CHRM3: variants seen among roughly 807,000 people sequenced by gnomAD.
The protein encoded by CHRM3 is muscarinic acetylcholine receptor M3.
Under a neutral mutation model 41.8 loss-of-function variants are expected in CHRM3, and 11 were observed. That is an observed-to-expected ratio of 0.26 (90% CI 0.17 to 0.44). CHRM3 has a LOEUF of 0.44. Ranked by LOEUF, CHRM3 falls within the 20% of genes least tolerant of loss-of-function variation. The pLI is 1.00. For missense variants in CHRM3, 571 were observed against 745.4 expected (o/e 0.77, Z 2.72); for synonymous variants, 297 against 301.4 (o/e 0.99, Z 0.15).
intron 5 of CHRM3, among the ~76,000 whole-genome samples, chr1:239,756,809 C>T (rs1026430758): frequency 1.2e-4 from 18 of 151,806 alleles, no homozygotes; most frequent in African/African-American, 4.4e-4. Flanking sequence ...TCATATTATT[C>T]ATTTCTGAGA....
intron 2 of CHRM3, among the ~76,000 whole-genome samples, chr1:239,512,531 T>C (rs1369471063): frequency 6.6e-6 from 1 of 152,186 alleles, no homozygotes; most frequent in Non-Finnish European, 1.5e-5. Flanking sequence ...TAGGAGCACT[T>C]GGAACATTTA....
At chr1:239,876,275 T>G (rs1319604406) in intron 6 of CHRM3, among the ~76,000 whole-genome samples, 4 of 152,378 alleles carry the variant, frequency 2.6e-5, no homozygotes, top group African/African-American at 4.8e-5. Context: ...ATATTGATCT[T>G]GTTTCTGAAT....
intron 6 of CHRM3, among the ~76,000 whole-genome samples, chr1:239,854,175 A>G (rs184749614): frequency 1.9e-4 from 29 of 152,254 alleles, no homozygotes; most frequent in Admixed American, 2.6e-4. Context: ...TGCCATAGGC[A>G]ATATAAACGA....
At chr1:239,685,503 G>A (rs773680197) in intron 5 of CHRM3, among the ~76,000 whole-genome samples, 12 of 152,058 alleles carry the variant, frequency 7.9e-5, no homozygotes, top group Non-Finnish European at 1.6e-4. Flanking sequence ...TGCTCCTCTC[G>A]TGCATTGGGT....
intron 5 of CHRM3, among the ~76,000 whole-genome samples, chr1:239,687,672 TTCAG>T (rs529027334): frequency 4.6e-5 from 7 of 152,134 alleles, no homozygotes; most frequent in Non-Finnish European, 7.4e-5. Context: ...ATAATGATGC[TTCAG>T]TCAAAGGCAG....
At chr1:239,535,232 A>G (rs776528876) in intron 2 of CHRM3, among the ~76,000 whole-genome samples, 4 of 152,162 alleles carry the variant, frequency 2.6e-5, no homozygotes, top group Non-Finnish European at 4.4e-5. Flanking sequence ...CCAGTGGCCC[A>G]CACTGGCCCA....
chr1:239,686,624 A>C (rs1230680881), intron 5 of CHRM3, among the ~76,000 whole-genome samples: 1 of 152,162 alleles, frequency 6.6e-6, no homozygotes, highest in Non-Finnish European at 1.5e-5. Flanking sequence ...TCAGACTGTG[A>C]GTTCCTTGAG....
At chr1:239,463,588 T>C (rs993866577) in intron 1 of CHRM3, among the ~76,000 whole-genome samples, 2 of 152,212 alleles carry the variant, frequency 1.3e-5, no homozygotes, top group Non-Finnish European at 2.9e-5. Flanking sequence ...TCAAAGGAAA[T>C]TGTGAAAATA....
intron 2 of CHRM3, among the ~76,000 whole-genome samples, chr1:239,531,909 T>G (rs948963467): frequency 1.3e-5 from 2 of 151,258 alleles, no homozygotes; most frequent in Admixed American, 1.3e-4. Flanking sequence ...TCTCCGCGCT[T>G]GGGCCTCCCA....
At chr1:239,731,822 C>T (rs1269745104) in intron 5 of CHRM3, among the ~76,000 whole-genome samples, 2 of 151,918 alleles carry the variant, frequency 1.3e-5, no homozygotes, top group Non-Finnish European at 2.9e-5. Context: ...TTTACTGTTG[C>T]CTCCAGGGTT....
chr1:239,519,393 T>C (rs941056316), intron 2 of CHRM3, among the ~76,000 whole-genome samples: 1 of 152,216 alleles, frequency 6.6e-6, no homozygotes, highest in Non-Finnish European at 1.5e-5. Flanking sequence ...AAATATAGCC[T>C]CTTCTGTATG....
chr1:239,566,011 C>T lies in CHRM3; in HGVS notation c.-313+20262C>T, dbSNP rs114814608. ...CTCACTGCAGCCTTGAGCTTCTGGG[C>T]TCAAGTGGTCCTCCTACCTCAGCCT... On this transcript the variant is annotated intron_variant, in intron 3 of 6. Coordinates refer to ENST00000676153, the MANE Select transcript of CHRM3 (RefSeq NM_001375978.1). 3.3e-3 allele frequency among the ~76,000 whole-genome samples: 492 copies of T among 148,414 alleles called. 5 individuals are homozygous for T. Among genetic ancestry groups the T allele is most frequent in the African/African-American group, 0.012 (475 of 39,980 alleles).
Position 239,911,641 on chromosome 1 carries a change from G to A in CHRM3, c.*2417G>A, listed in dbSNP as rs192741986. 76 of 166,908 alleles carry A rather than the reference G, an allele frequency of 4.6e-4. No individual in the cohort carries two copies. The highest frequency in any genetic ancestry group is 1.8e-3 in the African/African-American group (75 of 41,480). 10.3% of individuals were successfully genotyped at this position (166,908 alleles called of 1,614,324 possible). On this transcript the variant is annotated 3_prime_UTR_variant, in exon 7 of 7. Transcript: ENST00000676153. The stretch of plus-strand genomic sequence containing the variant: ...AGTCACTTCCAATCTCCTTAAACAT[G>A]ATTATCTCCTTATCCTTGTCCTTTT...
chr1:239,844,899 G>A (rs531041160), intron 6 of CHRM3, among the ~76,000 whole-genome samples: 2 of 152,310 alleles, frequency 1.3e-5, no homozygotes, highest in South Asian at 4.1e-4. Context: ...GAGGGGTGGA[G>A]GAGAAGACGG....
At chr1:239,691,418 A>G (rs1050913958) in intron 5 of CHRM3, among the ~76,000 whole-genome samples, 2 of 152,152 alleles carry the variant, frequency 1.3e-5, no homozygotes, top group African/African-American at 2.4e-5. Context: ...TCCTACAAAA[A>G]AAAAAGAAAG....
chr1:239,419,097 T>C (rs1241627458), intron 1 of CHRM3, among the ~76,000 whole-genome samples: 13 of 152,148 alleles, frequency 8.5e-5, no homozygotes, highest in Non-Finnish European at 4.4e-5. Context: ...GTCTGAAACA[T>C]AGGGTTAAAG....
intron 1 of CHRM3, among the ~76,000 whole-genome samples, chr1:239,428,996 A>C (rs1662617156): frequency 6.6e-6 from 1 of 152,188 alleles, no homozygotes; most frequent in Admixed American, 6.5e-5. Flanking sequence ...TTTCACTTTT[A>C]GAAATATACA....
intron 3 of CHRM3, among the ~76,000 whole-genome samples, chr1:239,569,438 CATA>C (rs1661637644): frequency 6.6e-6 from 1 of 152,102 alleles, no homozygotes; most frequent in Non-Finnish European, 1.5e-5. Context: ...TAAAAACTTT[CATA>C]ATTATGGCAA....
At chr1:239,503,122 C>A (rs1207409494) in intron 2 of CHRM3, among the ~76,000 whole-genome samples, 1 of 152,108 alleles carries the variant, frequency 6.6e-6, no homozygotes, top group African/African-American at 2.4e-5. Context: ...GTCAAACTGT[C>A]ACTGTTTGTT....
Sources: gnomAD v4.1 joint callset for allele counts (sites outside exome capture counted in the v4.1 genomes callset) on GRCh38, gnomAD v4.1.1 for gene constraint, MANE v1.5 for transcripts, NCBI Gene and HGNC (gene_info 2026-07-23, HGNC 2026-07-21) for gene names.